Variants in PTPN21 observed in about 807,000 individuals in gnomAD.
PTPN21 encodes protein tyrosine phosphatase non-receptor type 21, also known as tyrosine-protein phosphatase non-receptor type 21.
In PTPN21, 77 loss-of-function variants were observed where a neutral mutation model predicts 131.8. The ratio of observed to expected loss-of-function variants is 0.58; its 90% CI spans 0.49 to 0.71. The LOEUF (loss-of-function observed/expected upper bound fraction) is 0.71, where lower values mean the gene tolerates loss of function less well. Ranked by LOEUF, PTPN21 falls within the 30% of genes least tolerant of loss-of-function variation. The pLI is 0.00. For synonymous variants in PTPN21, 715 were observed against 621.3 expected (o/e 1.15, Z -2.24); for missense variants, 1,552 against 1,527.1 (o/e 1.02, Z -0.27).
chr14:88,503,186 C>T (rs1424592384), intron 6 of PTPN21, among the ~76,000 whole-genome samples: 1 of 152,126 alleles, frequency 6.6e-6, no homozygotes, highest in East Asian at 1.9e-4. Flanking sequence ...CCGGTGCATG[C>T]CACCACACCT....
intron 2 of PTPN21, among the ~76,000 whole-genome samples, chr14:88,532,949 G>C (rs949325668): frequency 1.2e-4 from 19 of 152,166 alleles, no homozygotes; most frequent in Admixed American, 1.2e-3. Context: ...ATTTACGACA[G>C]ATAGAAATTT....
chr14:88,498,597 G>A (rs887251309), intron 8 of PTPN21, among the ~76,000 whole-genome samples: 6 of 152,150 alleles, frequency 3.9e-5, no homozygotes, highest in African/African-American at 9.7e-5. Flanking sequence ...CCTCAAATTC[G>A]CACAGTTGGA....
At chr14:88,523,528 A>C (rs1282979907) in intron 2 of PTPN21, among the ~76,000 whole-genome samples, 1 of 152,216 alleles carries the variant, frequency 6.6e-6, no homozygotes, top group Non-Finnish European at 1.5e-5. Flanking sequence ...TTTCCCCCTA[A>C]GATCAGTAAC....
Position 88,498,839 on chromosome 14 carries a change from T to C in PTPN21, c.765-1549A>G, listed in dbSNP as rs563567633. Among the ~76,000 whole-genome samples the C allele has an allele frequency of 4.6e-5, 7 of 152,340 alleles. No homozygotes were observed. The East Asian group carries it at 1.3e-3, about 29-fold the overall frequency. On this transcript the variant is annotated intron_variant, in intron 8 of 18. Coordinates refer to ENST00000556564, the MANE Select transcript of PTPN21 (RefSeq NM_007039.4). ...GCTTTTATATGTTAATATTTGATTT[T>C]ATTAATCACAGAATTTTATAAAAAG...
chr14:88,543,725 C>A (rs2078737525), intron 2 of PTPN21, among the ~76,000 whole-genome samples: 2 of 152,088 alleles, frequency 1.3e-5, no homozygotes, highest in Admixed American at 6.6e-5. Context: ...TCGTAAAGAT[C>A]TATGATAAAC....
chr14:88,508,904 A>T (rs912983404), intron 3 of PTPN21, among the ~76,000 whole-genome samples: 1 of 152,208 alleles, frequency 6.6e-6, no homozygotes, highest in African/African-American at 2.4e-5. Flanking sequence ...ATAGGGCATC[A>T]GTTACCAGAA....
chr14:88,489,081 G>T (rs1401780582), intron 10 of PTPN21, among the ~76,000 whole-genome samples: 1 of 152,126 alleles, frequency 6.6e-6, no homozygotes, highest in Admixed American at 6.5e-5. Flanking sequence ...CTGAGTGTAT[G>T]TGTCTAACAA....
intron 10 of PTPN21, among the ~76,000 whole-genome samples, chr14:88,494,181 C>G (rs980232285): frequency 2.7e-4 from 41 of 152,144 alleles, no homozygotes; most frequent in Admixed American, 2.6e-3. Context: ...TCTGACCAGA[C>G]AGCAGGCTGC....
intron 2 of PTPN21, among the ~76,000 whole-genome samples, chr14:88,539,050 T>TAATA (rs751218030): frequency 3.4e-4 from 51 of 152,120 alleles, no homozygotes; most frequent in Non-Finnish European, 7.2e-4. Context: ...CTTCCTTCAC[T>TAATA]AATAGGATTC....
intron 4 of PTPN21, among the ~76,000 whole-genome samples, chr14:88,506,796 C>T (rs939756186): frequency 6.6e-6 from 1 of 152,008 alleles, no homozygotes; most frequent in Non-Finnish European, 1.5e-5. Context: ...AATCCCGGCA[C>T]TTTGGAAGGC....
Position 88,507,999 on chromosome 14 carries a change from CA to C in PTPN21, c.371del (p.Leu124ArgfsTer14). On this transcript the variant is annotated frameshift_variant, in exon 4 of 19. Transcript: ENST00000556564. LOFTEE classifies it high-confidence loss of function. Reference protein sequence around the residue: ...EITRYQYYLQLKKDILEGSIP... With the variant: ...EITRYQYYLQXKKDILEGSIP... Reference sequence around the variant, plus strand: ...TACTTCCTTCCAAGATATCTTTCTTCAGTTGCAGATAATACTGATACCTATA... The same window carrying C: ...TACTTCCTTCCAAGATATCTTTCTTCGTTGCAGATAATACTGATACCTATA... The C allele has an allele frequency of 6.2e-7, 1 of 1,600,974 alleles. No individual in the cohort carries two copies. Among genetic ancestry groups the C allele is most frequent in the Non-Finnish European group, 8.5e-7 (1 of 1,171,554 alleles).
At chr14:88,521,325 C>T (rs891413956) in intron 2 of PTPN21, among the ~76,000 whole-genome samples, 5 of 152,296 alleles carry the variant, frequency 3.3e-5, no homozygotes, top group African/African-American at 1.2e-4. Flanking sequence ...AAGTTTTGGA[C>T]TGAATGTACC....
intron 2 of PTPN21, among the ~76,000 whole-genome samples, chr14:88,523,599 A>G (rs975173948): frequency 9.9e-5 from 15 of 152,144 alleles, no homozygotes; most frequent in Admixed American, 7.9e-4. Context: ...TTCTAACCAG[A>G]GCAATTAGGC....
intron 2 of PTPN21, among the ~76,000 whole-genome samples, chr14:88,538,033 C>T (rs2078654226): frequency 6.6e-6 from 1 of 152,188 alleles, no homozygotes; most frequent in South Asian, 2.1e-4. Flanking sequence ...ATGTGATATG[C>T]AGCACATGAC....
chr14:88,536,676 G>A (rs2078636121), intron 2 of PTPN21, among the ~76,000 whole-genome samples: 1 of 152,176 alleles, frequency 6.6e-6, no homozygotes, highest in Non-Finnish European at 1.5e-5. Context: ...TATTTTTAAA[G>A]TAGAGCAGAG....
chr14:88,470,911 C>T (rs939119450), intron 15 of PTPN21, among the ~76,000 whole-genome samples: 2 of 152,148 alleles, frequency 1.3e-5, no homozygotes, highest in African/African-American at 4.8e-5. Context: ...TGAGGTCCCA[C>T]CTCATTTTAG....
chr14:88,480,002 T>C lies in PTPN21; in HGVS notation c.1429A>G (p.Ile477Val), dbSNP rs2077624400. Residue 477 changes from isoleucine (I) to valine (V), a missense_variant, in exon 13 of 19, where the codon ATC becomes GTC. Ile to Val is a conservative substitution (Grantham distance 29). Around this residue, in one of 4 missense-constraint regions of PTPN21, gnomAD observed 1,016 missense variants for 883.5 expected, o/e 1.15. Transcript: ENST00000556564. Reference sequence around the variant, plus strand: ...CTGCTGTAGGCGTACGAGCTGCCGATGTTGAGGTTTCGCAGCGAGTGGCTC... The same window carrying C: ...CTGCTGTAGGCGTACGAGCTGCCGACGTTGAGGTTTCGCAGCGAGTGGCTC... ...RQSHSLRNLN[I>V]GSSYAYSRPA... 6.2e-7 allele frequency: 1 copy of C among 1,612,934 alleles called. No individual in the cohort carries two copies. The highest frequency in any genetic ancestry group is 8.5e-7 in the Non-Finnish European group (1 of 1,180,000).
intron 8 of PTPN21, among the ~76,000 whole-genome samples, 162 bp from the exon 9 acceptor site, chr14:88,497,452 G>A (rs1392087188): frequency 1.3e-5 from 2 of 152,116 alleles, no homozygotes; most frequent in Non-Finnish European, 2.9e-5. Context: ...TGGCCAACAT[G>A]GTGAAACCCT....
chr14:88,478,880 C>T, intron 13 of PTPN21, 40 bp downstream of exon 13: 1 of 1,359,766 alleles, frequency 7.4e-7, no homozygotes, highest in Non-Finnish European at 9.6e-7. Flanking sequence ...AGGGCGAACG[C>T]GCGGTCCCCT....
Sources: gnomAD v4.1 joint callset for allele counts (sites outside exome capture counted in the v4.1 genomes callset) on GRCh38, gnomAD v4.1.1 for gene constraint, gnomAD v4.1.1 regional missense constraint, MANE v1.5 for transcripts, NCBI Gene and HGNC (gene_info 2026-07-23, HGNC 2026-07-21) for gene names.